The following VAC14 variants were observed in gnomAD, a reference collection of about 807,000 sequenced individuals.
The protein encoded by VAC14 is protein VAC14 homolog.
In VAC14, 47 loss-of-function variants were observed where a neutral mutation model predicts 85.3. That is an observed-to-expected ratio of 0.55 (90% CI 0.44 to 0.70). The LOEUF is 0.70. VAC14 is among the 30% of genes least tolerant of loss of function. The probability of loss-of-function intolerance (pLI) is 0.00; values close to 1 mark genes in which losing one functional copy is unlikely to be tolerated. For missense variants in VAC14, 861 were observed against 1,004.3 expected, an observed-to-expected ratio of 0.86 and a Z score of 1.93; for synonymous variants, 447 against 430.5, an observed-to-expected ratio of 1.04 and a Z score of -0.47.
At chr16:70,707,581 G>A (rs1482358248) in intron 14 of VAC14, among the ~76,000 whole-genome samples, 7 of 152,176 alleles carry the variant, frequency 4.6e-5, no homozygotes, top group African/African-American at 1.2e-4. Flanking sequence ...CACAGAAAAC[G>A]AAACAGTCTC....
intron 14 of VAC14, among the ~76,000 whole-genome samples, chr16:70,705,715 C>A (rs1019383288): frequency 3.9e-5 from 6 of 151,922 alleles, no homozygotes; most frequent in Non-Finnish European, 7.4e-5. Context: ...ACTGGCCCCG[C>A]AACGCTGCCC....
At chr16:70,782,318 C>T (rs868360132) in intron 7 of VAC14, among the ~76,000 whole-genome samples, 9 of 152,266 alleles carry the variant, frequency 5.9e-5, no homozygotes, top group Admixed American at 4.6e-4. Flanking sequence ...GGCCTTGCTT[C>T]TTTGGCCAAT....
At chr16:70,696,943 T>C (rs1321144561) in intron 16 of VAC14, 196 bp downstream of exon 16, 16 of 536,676 alleles carry the variant, frequency 3.0e-5, no homozygotes, top group Non-Finnish European at 5.4e-5. Flanking sequence ...CCCTCTTTGC[T>C]GCCAATCTCG....
intron 9 of VAC14, among the ~76,000 whole-genome samples, chr16:70,773,522 G>A (rs959876301): frequency 2.0e-5 from 3 of 152,108 alleles, no homozygotes; most frequent in African/African-American, 4.8e-5. Flanking sequence ...TTCAGTCCCC[G>A]TCTAGGCACT....
intron 6 of VAC14, 52 bp from the exon 7 acceptor site, chr16:70,783,191 G>A (rs1286948311): frequency 6.3e-7 from 1 of 1,575,278 alleles, no homozygotes; most frequent in South Asian, 1.1e-5. Flanking sequence ...CAGGGCTGGA[G>A]GAGCCTCAAA....
At chr16:70,799,976 C>A (rs1596982279) in intron 1 of VAC14, among the ~76,000 whole-genome samples, 1 of 152,148 alleles carries the variant, frequency 6.6e-6, no homozygotes, top group African/African-American at 2.4e-5. Context: ...CTGGACAGAA[C>A]AGAAATACAA....
chr16:70,766,108 T>C (rs2032789592), intron 10 of VAC14, among the ~76,000 whole-genome samples: 1 of 149,422 alleles, frequency 6.7e-6, no homozygotes. Context: ...GCTATGACTG[T>C]GTCACTGTAC....
At chr16:70,780,249 C>A (rs2033743995) in intron 9 of VAC14, among the ~76,000 whole-genome samples, 2 of 152,032 alleles carry the variant, frequency 1.3e-5, no homozygotes, top group African/African-American at 4.8e-5. Context: ...TTTTTAAAGG[C>A]ACTTATTTGG....
At position 70,740,239 on chromosome 16, in the gene VAC14, G is replaced by C. The variant is rs147396296; in HGVS notation, c.1528+4184C>G. Among the ~76,000 whole-genome samples the C allele has an allele frequency of 7.9e-5, 12 of 152,340 alleles. No individual in the cohort carries two copies. In the East Asian group the frequency reaches 1.3e-3, roughly 17 times the overall value. ...GCCTCCCAAAGTGCTGGGACTATAG[G>C]AGTGAGCCAACGTGGCTTACGACAT... On this transcript the variant is annotated intron_variant, in intron 13 of 18. Coordinates refer to ENST00000261776, the MANE Select transcript of VAC14 (RefSeq NM_018052.5).
In VAC14 at chr16:70,783,044, C is replaced by G; in HGVS notation, c.800G>C (p.Cys267Ser). The change falls in exon 7 of 19, where the codon TGC (cysteine) becomes TCC (serine). Residue 267 changes from cysteine to serine, a missense_variant. This residue lies in a region of VAC14 where 629 missense variants were observed against 703.1 expected (regional missense o/e 0.89). Coordinates refer to ENST00000261776, the MANE Select transcript of VAC14 (RefSeq NM_018052.5). ...CCCCCAATACTCACCTGTTGTCTGG[C>G]AGTGGATCACCAGGATGTTGGCCAT... Reference protein sequence around the residue: ...AEMANILVIHCQTTDDLIQLT... With the variant: ...AEMANILVIHSQTTDDLIQLT... 6.2e-7 allele frequency: 1 copy of G among 1,614,064 alleles called. No individual in the cohort carries two copies. The highest frequency in any genetic ancestry group is 1.1e-5 in the South Asian group (1 of 91,074).
At position 70,801,067 on chromosome 16, in the gene VAC14, G is replaced by A. The variant is rs940635605; in HGVS notation, c.-167C>T. ...CGCCTCGCCCTGGAACCCGGGCCCGGACCCCGCTCCAGCACACCTGACCCT... is the reference window on the plus strand; with the variant it reads ...CGCCTCGCCCTGGAACCCGGGCCCGAACCCCGCTCCAGCACACCTGACCCT... On this transcript the variant is annotated 5_prime_UTR_variant, in exon 1 of 19. Coordinates refer to ENST00000261776, the MANE Select transcript of VAC14 (RefSeq NM_018052.5). 2.1e-6 allele frequency: 1 copy of A among 485,640 alleles called. No individual in the cohort carries two copies. Among genetic ancestry groups the A allele is most frequent in the Non-Finnish European group, 3.6e-6 (1 of 280,568 alleles). The allele number at this position is 485,640 out of a possible 1,614,324, so 30.1% of individuals were successfully genotyped here. A position where few individuals can be genotyped will look rare whatever the true frequency, so the allele number is the denominator to read the frequency against.
At chr16:70,763,497 G>A (rs2032573056) in intron 10 of VAC14, among the ~76,000 whole-genome samples, 1 of 152,198 alleles carries the variant, frequency 6.6e-6, no homozygotes, top group Non-Finnish European at 1.5e-5. Flanking sequence ...GGAAGGTCCC[G>A]ATAACAACTG....
At chr16:70,776,038 A>G (rs554265198) in intron 9 of VAC14, among the ~76,000 whole-genome samples, 1 of 152,324 alleles carries the variant, frequency 6.6e-6, no homozygotes, top group South Asian at 2.1e-4. Context: ...TAAGCTTGCT[A>G]TGACAATGAA....
At chr16:70,779,818 C>G (rs569500167) in intron 9 of VAC14, among the ~76,000 whole-genome samples, 1 of 151,794 alleles carries the variant, frequency 6.6e-6, no homozygotes, top group Non-Finnish European at 1.5e-5. Context: ...AGATGCCAGT[C>G]GGCATAAATG....
At chr16:70,693,381 T>C (rs1274377503) in intron 17 of VAC14, among the ~76,000 whole-genome samples, 1 of 152,206 alleles carries the variant, frequency 6.6e-6, no homozygotes. Flanking sequence ...TATTCTCCAG[T>C]TGGCTCCACA....
At chr16:70,752,787 C>T (rs1209913405) in intron 12 of VAC14, among the ~76,000 whole-genome samples, 3 of 152,192 alleles carry the variant, frequency 2.0e-5, no homozygotes, top group Non-Finnish European at 4.4e-5. Context: ...ATGTGGGGCA[C>T]GTCCAAGGAG....
chr16:70,779,317 T>C (rs1211922046), intron 9 of VAC14, among the ~76,000 whole-genome samples: 2 of 152,262 alleles, frequency 1.3e-5, no homozygotes, highest in East Asian at 3.8e-4. Context: ...AATGGGAGAA[T>C]GCTCAGCAAT....
chr16:70,706,785 C>T (rs145241826), intron 14 of VAC14, among the ~76,000 whole-genome samples: 2 of 152,222 alleles, frequency 1.3e-5, no homozygotes. Flanking sequence ...AACCACCACG[C>T]CTGGATAGCC....
In VAC14 at chr16:70,687,932, A is replaced by G; in HGVS notation, c.2345T>C (p.Leu782Pro). The part of the protein sequence containing the change: ...RGDHLDRRVV[L>P] ...CCCTCCTCCGTGCCAGGCCTGTCAG[A>G]GGACAACCCTCCGGTCCAGGTGGTC... The change falls in exon 19 of 19, where the codon CTC (leucine) becomes CCC (proline). Residue 782 changes from leucine (L) to proline (P), a missense_variant. By Grantham distance (98) the Leu-to-Pro change is moderately conservative. Coordinates refer to ENST00000261776, the MANE Select transcript of VAC14 (RefSeq NM_018052.5). 1 of 1,543,028 alleles carries G rather than the reference A, an allele frequency of 6.5e-7. No homozygotes were observed. Among genetic ancestry groups the G allele is most frequent in the Non-Finnish European group, 8.8e-7 (1 of 1,139,352 alleles).
Sources: gnomAD v4.1 joint callset for allele counts (sites outside exome capture counted in the v4.1 genomes callset) on GRCh38, gnomAD v4.1.1 for gene constraint, gnomAD v4.1.1 regional missense constraint, MANE v1.5 for transcripts, NCBI Gene and HGNC (gene_info 2026-07-23, HGNC 2026-07-21) for gene names.